The following SCAPER variants were observed in gnomAD, a reference collection of about 807,000 sequenced individuals.
SCAPER encodes the protein S-phase cyclin A associated protein in the ER.
In SCAPER, 98 loss-of-function variants were observed where a neutral mutation model predicts 182.2. That is an observed-to-expected ratio of 0.54 (90% CI 0.46 to 0.64). The LOEUF is 0.64. SCAPER is among the 30% of genes least tolerant of loss of function. The pLI, the probability that SCAPER is intolerant of heterozygous loss-of-function variation, is 0.00. For missense variants in SCAPER, 1,432 were observed against 1,690.0 expected (o/e 0.85, Z 2.68); for synonymous variants, 605 against 564.6 (o/e 1.07, Z -1.01).
Position 76,348,496 on chromosome 15 carries a change from G to A in SCAPER, c.*137C>T. ...AGTATCTACAGTCATTATAAATAGT[G>A]TAAAGTACATGCCATATCTACAGTG... On this transcript the variant is annotated 3_prime_UTR_variant, in exon 32 of 32. Coordinates refer to ENST00000563290, the MANE Select transcript of SCAPER (RefSeq NM_020843.4). 1.8e-6 allele frequency: 1 copy of A among 557,254 alleles called. No homozygotes were observed. Among genetic ancestry groups the A allele is most frequent in the Non-Finnish European group, 3.1e-6 (1 of 318,262 alleles). 34.5% of individuals were successfully genotyped at this position (557,254 alleles called of 1,614,324 possible).
At chr15:76,523,193 T>A (rs2144343667) in intron 23 of SCAPER, among the ~76,000 whole-genome samples, 1 of 152,214 alleles carries the variant, frequency 6.6e-6, no homozygotes, top group African/African-American at 2.4e-5. Context: ...AAATATTTTT[T>A]ACCTTATAAA....
chr15:76,697,860 G>A (rs1339767475), intron 20 of SCAPER, among the ~76,000 whole-genome samples: 5 of 151,936 alleles, frequency 3.3e-5, no homozygotes, highest in Non-Finnish European at 4.4e-5. Context: ...GGCTGGTCTC[G>A]AACTCCCGAC....
chr15:76,834,322 G>A (rs564369688), intron 5 of SCAPER, among the ~76,000 whole-genome samples: 3 of 152,196 alleles, frequency 2.0e-5, no homozygotes, highest in South Asian at 4.1e-4. Context: ...AACAACATAA[G>A]AGCATCTCTT....
At chr15:76,729,714 T>C (rs1259703360) in intron 16 of SCAPER, among the ~76,000 whole-genome samples, 1 of 152,138 alleles carries the variant, frequency 6.6e-6, no homozygotes, top group Non-Finnish European at 1.5e-5. Context: ...CTTAGGATAT[T>C]ATAAAGCACA....
intron 20 of SCAPER, among the ~76,000 whole-genome samples, chr15:76,679,208 A>C (rs1005963818): frequency 3.9e-5 from 6 of 152,166 alleles, no homozygotes; most frequent in African/African-American, 1.4e-4. Flanking sequence ...GATTCAAGAA[A>C]CTGTGAAATT....
intron 8 of SCAPER, among the ~76,000 whole-genome samples, chr15:76,779,084 A>G (rs1474936174): frequency 6.6e-6 from 1 of 152,130 alleles, no homozygotes; most frequent in South Asian, 2.1e-4. Flanking sequence ...ATGTACAAAT[A>G]CCAAACAAAT....
intron 1 of SCAPER, among the ~76,000 whole-genome samples, chr15:76,893,562 G>A (rs886773695): frequency 7.9e-5 from 12 of 151,856 alleles, no homozygotes; most frequent in Non-Finnish European, 1.8e-4. Context: ...AGTTCTATAG[G>A]CCAAATGGAC....
intron 20 of SCAPER, among the ~76,000 whole-genome samples, chr15:76,667,210 T>A (rs1391367417): frequency 1.3e-5 from 2 of 152,178 alleles, no homozygotes; most frequent in East Asian, 1.9e-4. Context: ...AATGTTCAGT[T>A]CTTATCTGTT....
intron 31 of SCAPER, chr15:76,349,648 G>A (rs1218410628): frequency 1.2e-5 from 1 of 81,768 alleles, no homozygotes; most frequent in Non-Finnish European, 2.7e-5. Context: ...GGCAACTTAG[G>A]CATCATCATT....
chr15:76,369,974 C>G (rs1027079184), intron 29 of SCAPER, among the ~76,000 whole-genome samples: 2 of 152,160 alleles, frequency 1.3e-5, no homozygotes, highest in Admixed American at 6.5e-5. Flanking sequence ...TATAAGTGTC[C>G]GTCATTGGGC....
intron 1 of SCAPER, among the ~76,000 whole-genome samples, chr15:76,896,784 A>C (rs1341183753): frequency 6.6e-6 from 1 of 152,056 alleles, no homozygotes; most frequent in African/African-American, 2.4e-5. Context: ...GCAATCCAAC[A>C]AAAATACAAA....
At chr15:76,823,326 GGCAGGCCCCTGTAATCCCA>G (rs1277274369) in intron 5 of SCAPER, among the ~76,000 whole-genome samples, 4 of 151,990 alleles carry the variant, frequency 2.6e-5, no homozygotes, top group Non-Finnish European at 5.9e-5. Flanking sequence ...CAAGCATGGT[GGCAGGCCCCTGTAATCCCA>G]GCTACTCGGG....
At chr15:76,730,634 ATAT>A (rs2060868196) in intron 16 of SCAPER, among the ~76,000 whole-genome samples, 1 of 151,746 alleles carries the variant, frequency 6.6e-6, no homozygotes, top group South Asian at 2.1e-4. Context: ...TAAAAATTCC[ATAT>A]TATATCTGAA....
intron 21 of SCAPER, among the ~76,000 whole-genome samples, chr15:76,663,309 C>T (rs1161130280): frequency 6.6e-6 from 1 of 151,998 alleles, no homozygotes; most frequent in Non-Finnish European, 1.5e-5. Flanking sequence ...TGTGAAGGAC[C>T]TGGAATTCTC....
intron 23 of SCAPER, among the ~76,000 whole-genome samples, chr15:76,540,705 A>C (rs115814559): frequency 1.3e-5 from 2 of 151,914 alleles, no homozygotes; most frequent in Admixed American, 6.6e-5. Flanking sequence ...TTTTTTTACA[A>C]TGAACATGTA....
At chr15:76,877,427 T>C (rs2073250121) in intron 2 of SCAPER, among the ~76,000 whole-genome samples, 1 of 152,200 alleles carries the variant, frequency 6.6e-6, no homozygotes, top group Non-Finnish European at 1.5e-5. Flanking sequence ...GACAGTTTGA[T>C]AAGGTACTGT....
chr15:76,801,774 G>T (rs895271666), intron 6 of SCAPER, among the ~76,000 whole-genome samples: 3 of 152,106 alleles, frequency 2.0e-5, no homozygotes. Context: ...ACAAAAATTA[G>T]CTGGGCGTGG....
intron 5 of SCAPER, among the ~76,000 whole-genome samples, chr15:76,834,080 C>T (rs922969585): frequency 5.3e-5 from 8 of 152,194 alleles, no homozygotes; most frequent in African/African-American, 1.9e-4. Context: ...ACAGCACATA[C>T]TCTAAGATGA....
chr15:76,740,922 T>C (rs2061507600), intron 15 of SCAPER, among the ~76,000 whole-genome samples: 1 of 152,106 alleles, frequency 6.6e-6, no homozygotes, highest in Non-Finnish European at 1.5e-5. Context: ...CGAGTGCTAA[T>C]TTTCTCATCT....
Sources: allele counts gnomAD v4.1 joint callset (sites outside exome capture counted in the v4.1 genomes callset), GRCh38; gene constraint gnomAD v4.1.1; transcripts MANE v1.5; gene names NCBI Gene and HGNC (gene_info 2026-07-23, HGNC 2026-07-21).